The following PTPN9 variants were observed in gnomAD, a reference collection of about 807,000 sequenced individuals.
PTPN9 encodes protein tyrosine phosphatase non-receptor type 9.
In PTPN9, 26 loss-of-function variants were observed where a neutral mutation model predicts 69.8. That is an observed-to-expected ratio of 0.37 (90% CI 0.27 to 0.52). The LOEUF is 0.52. PTPN9 is among the 20% of genes least tolerant of loss of function. PTPN9 has a pLI of 0.91. For synonymous variants in PTPN9, 274 were observed against 272.5 expected (o/e 1.01, Z -0.05); for missense variants, 549 against 740.3 (o/e 0.74, Z 3.00).
intron 4 of PTPN9, among the ~76,000 whole-genome samples, chr15:75,522,052 G>A (rs1395769756): frequency 6.6e-6 from 1 of 152,156 alleles, no homozygotes; most frequent in Non-Finnish European, 1.5e-5. Context: ...GATGTCGAGA[G>A]CAGTAAGAAA....
intron 1 of PTPN9, among the ~76,000 whole-genome samples, chr15:75,536,782 C>T (rs1383962318): frequency 6.6e-6 from 1 of 151,966 alleles, no homozygotes; most frequent in Non-Finnish European, 1.5e-5. Flanking sequence ...GAGTTTGGTT[C>T]CCCTCTCCCA....
At chr15:75,512,017 G>T (rs1423009367) in intron 5 of PTPN9, among the ~76,000 whole-genome samples, 1 of 151,738 alleles carries the variant, frequency 6.6e-6, no homozygotes, top group South Asian at 2.1e-4. Context: ...TAACTTTTTT[G>T]TATTTTTAGC....
chr15:75,482,335 G>C (rs2074642448), intron 8 of PTPN9, among the ~76,000 whole-genome samples: 1 of 152,218 alleles, frequency 6.6e-6, no homozygotes, highest in African/African-American at 2.4e-5. Flanking sequence ...GGAGGCCGAG[G>C]CGGGCGGATG....
At chr15:75,573,804 A>C (rs114774504) in intron 1 of PTPN9, among the ~76,000 whole-genome samples, 2,848 of 152,326 alleles carry the variant, frequency 0.019, 88 homozygotes, top group African/African-American at 0.066. Flanking sequence ...TAATCACACA[A>C]ATAAGTGTTA....
intron 4 of PTPN9, among the ~76,000 whole-genome samples, chr15:75,520,911 C>T (rs916925747): frequency 2.4e-4 from 36 of 151,346 alleles, no homozygotes; most frequent in Non-Finnish European, 7.4e-5. Flanking sequence ...CTCAGATGAT[C>T]CTCCCAGGGC....
intron 1 of PTPN9, among the ~76,000 whole-genome samples, chr15:75,547,016 C>T (rs1403176911): frequency 6.6e-6 from 1 of 152,034 alleles, no homozygotes; most frequent in African/African-American, 2.4e-5. Flanking sequence ...CTGTGCCAGG[C>T]CAGGCACGGT....
intron 1 of PTPN9, among the ~76,000 whole-genome samples, chr15:75,544,913 A>C (rs910083279): frequency 2.6e-5 from 4 of 152,144 alleles, no homozygotes; most frequent in African/African-American, 9.7e-5. Flanking sequence ...AGATCATGCT[A>C]AAACATTCTT....
intron 2 of PTPN9, among the ~76,000 whole-genome samples, chr15:75,526,750 T>TA (rs1182109053): frequency 6.6e-6 from 1 of 152,162 alleles, no homozygotes; most frequent in Non-Finnish European, 1.5e-5. Context: ...GGCAAGTTTC[T>TA]AAAAGCCTTA....
At chr15:75,470,576 T>C in intron 11 of PTPN9, 104 bp downstream of exon 11, 1 of 1,407,204 alleles carries the variant, frequency 7.1e-7, no homozygotes, top group Non-Finnish European at 9.7e-7. Context: ...CAGAAGCAAC[T>C]CATAACTTCC....
rs543168396 is a variant in PTPN9 at position 75,486,810 on chromosome 15, G to A, written c.1062+3398C>T. Among the ~76,000 whole-genome samples, 11 of 138,856 alleles carry A rather than the reference G, an allele frequency of 7.9e-5. No homozygotes were observed. The South Asian group carries it at 9.3e-4, about 12-fold the overall frequency. 91.1% of individuals were successfully genotyped at this position (138,856 alleles called of 152,430 possible). A position where few individuals can be genotyped will look rare whatever the true frequency, so the allele number is the denominator to read the frequency against. ...TTTTTTTTTTTTTTTTTGAGACGGA[G>A]TCTTTGCTCTGTTGCCCAGGCTGGA... is the stretch of plus-strand genomic sequence containing the variant. On this transcript the variant is annotated intron_variant, in intron 8 of 12. Transcript: ENST00000618819.
intron 1 of PTPN9, among the ~76,000 whole-genome samples, chr15:75,530,238 A>C (rs2074949154): frequency 7.0e-6 from 1 of 142,380 alleles, no homozygotes; most frequent in Admixed American, 7.4e-5. Flanking sequence ...GAAAGAAAGA[A>C]AGAAAAAGAA....
At chr15:75,549,355 C>T (rs2075047081) in intron 1 of PTPN9, among the ~76,000 whole-genome samples, 2 of 152,148 alleles carry the variant, frequency 1.3e-5, no homozygotes, top group South Asian at 2.1e-4. Flanking sequence ...GGTGGACCAC[C>T]ACACTTGGCT....
At chr15:75,530,839 A>ATATATTATATATTATGATATATTATATAT in intron 1 of PTPN9, among the ~76,000 whole-genome samples, 1 of 100,202 alleles carries the variant, frequency 1.0e-5, no homozygotes, top group South Asian at 2.5e-4. Flanking sequence ...ATATATTATA[A>ATATATTATATATTATGATATATTATATAT]TATATTATAT....
intron 1 of PTPN9, among the ~76,000 whole-genome samples, chr15:75,560,965 G>A (rs1247428382): frequency 1.3e-5 from 2 of 151,874 alleles, no homozygotes; most frequent in Non-Finnish European, 2.9e-5. Context: ...GTTGCAGTGA[G>A]CTGAGATCAC....
At chr15:75,481,944 C>A (rs563667496) in intron 8 of PTPN9, among the ~76,000 whole-genome samples, 1 of 146,048 alleles carries the variant, frequency 6.8e-6, no homozygotes, top group East Asian at 2.1e-4. Flanking sequence ...GCCACCACCC[C>A]GTCTGGGAGG....
rs2074618045 is a variant in PTPN9, at chr15:75,479,844, T to C, written c.1129+4A>G. On this transcript the variant is annotated splice_donor_region_variant and intron_variant, in intron 9 of 12. Transcript: ENST00000618819. The stretch of plus-strand genomic sequence containing the variant: ...ATCAACATGGGAGGGACGGACCAGC[T>C]TACCTTGTGTGCCAATGTAAGCATT... The C allele has an allele frequency of 1.9e-6, 3 of 1,603,758 alleles. No individual in the cohort carries two copies. In the Admixed American group the frequency reaches 5.2e-5, roughly 28 times the overall value.
chr15:75,569,471 G>A (rs1010973274), intron 1 of PTPN9, among the ~76,000 whole-genome samples: 10 of 152,068 alleles, frequency 6.6e-5, no homozygotes, highest in African/African-American at 1.4e-4. Context: ...TTGAGAGGCC[G>A]AGGCGGGCTG....
At chr15:75,550,511 GGT>G (rs2141334966) in intron 1 of PTPN9, among the ~76,000 whole-genome samples, 1 of 151,262 alleles carries the variant, frequency 6.6e-6, no homozygotes, top group East Asian at 2.0e-4. Context: ...AGATTGGCTG[GGT>G]GCAGTGGCTC....
chr15:75,509,307 A>G (rs767657278), intron 5 of PTPN9, among the ~76,000 whole-genome samples: 1 of 152,242 alleles, frequency 6.6e-6, no homozygotes. Context: ...TCCTACACAT[A>G]CCACACATCA....
Sources: allele counts gnomAD v4.1 joint callset (sites outside exome capture counted in the v4.1 genomes callset), GRCh38; gene constraint gnomAD v4.1.1; transcripts MANE v1.5; gene names NCBI Gene and HGNC (gene_info 2026-07-23, HGNC 2026-07-21).